DPP10: variants seen among roughly 807,000 people sequenced by gnomAD.
The protein encoded by DPP10 is dipeptidyl peptidase like 10.
A neutral mutation model predicts 120.9 loss-of-function variants in DPP10; 33 were observed. The observed-to-expected ratio is 0.27, with a 90% confidence interval of 0.21 to 0.37. DPP10 has a LOEUF of 0.37. Among genes scored for constraint, DPP10 ranks in the 10% least tolerant of loss-of-function variants. The pLI is 1.00. For missense variants in DPP10, 816 were observed against 942.8 expected (o/e 0.87, Z 1.76); for synonymous variants, 337 against 326.1 (o/e 1.03, Z -0.36).
At chr2:114,489,816 C>T (rs1417716285) in intron 1 of DPP10, among the ~76,000 whole-genome samples, 1 of 152,174 alleles carries the variant, frequency 6.6e-6, no homozygotes, top group Non-Finnish European at 1.5e-5. Flanking sequence ...CTTAAGAAAG[C>T]ATATAAACCT....
At chr2:115,515,497 T>C (rs780297864) in intron 4 of DPP10, among the ~76,000 whole-genome samples, 1 of 152,044 alleles carries the variant, frequency 6.6e-6, no homozygotes, top group Non-Finnish European at 1.5e-5. Context: ...CCATTGTTGT[T>C]TTCTGGTGTT....
chr2:115,821,458 A>C (rs1002713707), intron 21 of DPP10, among the ~76,000 whole-genome samples: 9 of 151,932 alleles, frequency 5.9e-5, no homozygotes, highest in Admixed American at 5.9e-4. Context: ...TATTATTTTC[A>C]GCACTTTCCG....
chr2:115,030,661 C>A (rs954999785), intron 1 of DPP10, among the ~76,000 whole-genome samples: 1 of 152,104 alleles, frequency 6.6e-6, no homozygotes, highest in Non-Finnish European at 1.5e-5. Flanking sequence ...AAACAGGCCC[C>A]AATGTGTGTT....
chr2:115,434,395 C>A (rs1177199381), intron 3 of DPP10, among the ~76,000 whole-genome samples: 1 of 151,898 alleles, frequency 6.6e-6, no homozygotes, highest in Non-Finnish European at 1.5e-5. Context: ...CCTGGCAATA[C>A]TTGGATGAAT....
At chr2:115,414,540 G>A (rs2069216448) in intron 3 of DPP10, among the ~76,000 whole-genome samples, 1 of 152,096 alleles carries the variant, frequency 6.6e-6, no homozygotes, top group African/African-American at 2.4e-5. Context: ...TATTTCTACA[G>A]TGTATATTTT....
intron 5 of DPP10, among the ~76,000 whole-genome samples, chr2:115,587,114 T>C (rs13021691): frequency 1.3e-5 from 2 of 149,298 alleles, no homozygotes; most frequent in African/African-American, 5.0e-5. Flanking sequence ...TTTTTTTCTT[T>C]TGAGACGGAT....
intron 3 of DPP10, among the ~76,000 whole-genome samples, chr2:115,418,124 T>G (rs936436666): frequency 6.6e-6 from 1 of 152,022 alleles, no homozygotes; most frequent in Admixed American, 6.6e-5. Flanking sequence ...AAAGGTAGAG[T>G]TGAGAGCATT....
In DPP10 at chr2:115,454,965, C is replaced by T. The variant is rs1316559457; in HGVS notation, c.272-44545C>T. Among the ~76,000 whole-genome samples, 4 of 150,986 alleles carry T rather than the reference C, an allele frequency of 2.6e-5. No homozygotes were observed. In the East Asian group the frequency reaches 5.8e-4, roughly 22 times the overall value. On this transcript the variant is annotated intron_variant, in intron 3 of 25. Coordinates refer to ENST00000410059, the MANE Select transcript of DPP10 (RefSeq NM_020868.6). The stretch of plus-strand genomic sequence containing the variant: ...AATTATAGAAAAATTATATCCATGA[C>T]ATCAGAAATAAGATACACAAAAAAA...
chr2:114,793,275 C>G (rs991163686), intron 1 of DPP10, among the ~76,000 whole-genome samples: 2 of 152,202 alleles, frequency 1.3e-5, no homozygotes, highest in East Asian at 3.9e-4. Flanking sequence ...TTAGGTATTT[C>G]TCCTAATGCT....
At chr2:114,695,963 A>AT (rs1177485322) in intron 1 of DPP10, among the ~76,000 whole-genome samples, 1 of 152,106 alleles carries the variant, frequency 6.6e-6, no homozygotes, top group Non-Finnish European at 1.5e-5. Flanking sequence ...TGAAAGTCTT[A>AT]TAGTATGGTA....
intron 5 of DPP10, among the ~76,000 whole-genome samples, chr2:115,546,533 T>G (rs963139321): frequency 4.6e-5 from 7 of 152,240 alleles, no homozygotes; most frequent in Admixed American, 1.3e-4. Flanking sequence ...TATTCCTCAT[T>G]TATTTTCATG....
intron 5 of DPP10, among the ~76,000 whole-genome samples, chr2:115,671,264 TTAAAA>T (rs1449839274): frequency 6.6e-6 from 1 of 151,998 alleles, no homozygotes; most frequent in African/African-American, 2.4e-5. Flanking sequence ...AGTTCTGGTC[TTAAAA>T]TAACTATAAC....
intron 1 of DPP10, among the ~76,000 whole-genome samples, chr2:114,772,519 CAGAG>C (rs1208056664): frequency 1.3e-5 from 2 of 152,100 alleles, no homozygotes; most frequent in Non-Finnish European, 2.9e-5. Context: ...CTTTATCAGA[CAGAG>C]AGAAGGATGC....
chr2:114,937,894 T>G (rs960649692), intron 1 of DPP10, among the ~76,000 whole-genome samples: 1 of 152,180 alleles, frequency 6.6e-6, no homozygotes, highest in South Asian at 2.1e-4. Context: ...GCAAGATTGC[T>G]GAACAGTCAG....
chr2:114,604,683 T>G (rs1254133637), intron 1 of DPP10, among the ~76,000 whole-genome samples: 1 of 152,114 alleles, frequency 6.6e-6, no homozygotes, highest in Non-Finnish European at 1.5e-5. Context: ...ATACAGCAGG[T>G]TTGATGAATG....
chr2:114,640,224 G>T (rs991683655), intron 1 of DPP10, among the ~76,000 whole-genome samples: 1 of 151,894 alleles, frequency 6.6e-6, no homozygotes. Flanking sequence ...GATTCAGATG[G>T]GTGCTGGGCT....
At chr2:114,721,051 A>C (rs1701673003) in intron 1 of DPP10, among the ~76,000 whole-genome samples, 1 of 152,242 alleles carries the variant, frequency 6.6e-6, no homozygotes, top group African/African-American at 2.4e-5. Context: ...TACAGTTTAT[A>C]CGTTACACAG....
chr2:114,516,808 G>T (rs569541825), intron 1 of DPP10, among the ~76,000 whole-genome samples: 21 of 152,060 alleles, frequency 1.4e-4, no homozygotes, highest in Non-Finnish European at 2.9e-4. Flanking sequence ...TACACTGTTG[G>T]GCTTTTTTTA....
chr2:115,702,506 A>T (rs2091932647), intron 7 of DPP10, among the ~76,000 whole-genome samples: 1 of 152,132 alleles, frequency 6.6e-6, no homozygotes, highest in Admixed American at 6.6e-5. Context: ...TATTCATACA[A>T]TGAAATTATT....
Sources: gnomAD v4.1 joint callset for allele counts (sites outside exome capture counted in the v4.1 genomes callset) on GRCh38, gnomAD v4.1.1 for gene constraint, MANE v1.5 for transcripts, NCBI Gene and HGNC (gene_info 2026-07-23, HGNC 2026-07-21) for gene names.